Variants in RELN observed in about 807,000 individuals in gnomAD.
RELN encodes the protein reelin.
In RELN, 108 loss-of-function variants were observed where a neutral mutation model predicts 427.6. The ratio of observed to expected loss-of-function variants is 0.25; its 90% CI spans 0.22 to 0.30. The LOEUF (loss-of-function observed/expected upper bound fraction) is 0.30, where lower values mean the gene tolerates loss of function less well. Ranked by LOEUF, RELN falls within the 10% of genes least tolerant of loss-of-function variation. RELN has a pLI of 1.00. For synonymous variants in RELN, 1,524 were observed against 1,513.4 expected, an observed-to-expected ratio of 1.01 and a Z score of -0.16; for missense variants, 3,715 against 4,302.8, an observed-to-expected ratio of 0.86 and a Z score of 3.82.
intron 3 of RELN, among the ~76,000 whole-genome samples, chr7:103,825,495 T>A (rs1184460087): frequency 6.6e-6 from 1 of 152,164 alleles, no homozygotes; most frequent in Non-Finnish European, 1.5e-5. Context: ...TTGTCTTATT[T>A]GGTGAGTTTA....
At chr7:103,970,561 T>A (rs928061608) in intron 1 of RELN, among the ~76,000 whole-genome samples, 1 of 152,216 alleles carries the variant, frequency 6.6e-6, no homozygotes, top group African/African-American at 2.4e-5. Context: ...AAAGGTTGTC[T>A]AGTGTTCCTA....
intron 2 of RELN, among the ~76,000 whole-genome samples, chr7:103,884,977 C>T (rs1480076123): frequency 6.6e-6 from 1 of 152,118 alleles, no homozygotes; most frequent in East Asian, 1.9e-4. Context: ...AAGACACATG[C>T]ACACATATGT....
intron 46 of RELN, among the ~76,000 whole-genome samples, chr7:103,525,466 G>A (rs531804438): frequency 1.3e-5 from 2 of 152,262 alleles, no homozygotes; most frequent in East Asian, 3.9e-4. Context: ...CAGGAAGTTC[G>A]TATCCAGGGG....
chr7:103,528,710 G>C (rs1829876308), intron 46 of RELN, among the ~76,000 whole-genome samples: 1 of 151,514 alleles, frequency 6.6e-6, no homozygotes, highest in Non-Finnish European at 1.5e-5. Flanking sequence ...TGTATTTTTA[G>C]TAGAGACGGG....
chr7:103,491,126 C>G (rs1442328172), intron 58 of RELN, among the ~76,000 whole-genome samples: 5 of 152,152 alleles, frequency 3.3e-5, no homozygotes, highest in African/African-American at 9.7e-5. Context: ...AGTTGAATGA[C>G]AAAATTGTCT....
chr7:103,795,555 T>C (rs541741071), intron 3 of RELN, among the ~76,000 whole-genome samples: 1 of 152,314 alleles, frequency 6.6e-6, no homozygotes, highest in South Asian at 2.1e-4. Context: ...TTAGGTATTT[T>C]AGAGTAGAGT....
intron 52 of RELN, among the ~76,000 whole-genome samples, chr7:103,501,444 G>T (rs1004129983): frequency 4.6e-5 from 7 of 152,102 alleles, no homozygotes; most frequent in African/African-American, 1.4e-4. Context: ...TTTTGAAAGG[G>T]TTATATTAAA....
chr7:103,843,900 A>C (rs1004503210), intron 2 of RELN, among the ~76,000 whole-genome samples: 2 of 152,014 alleles, frequency 1.3e-5, no homozygotes, highest in African/African-American at 4.8e-5. Flanking sequence ...CTCTCCTAAC[A>C]CTGCATACTC....
intron 52 of RELN, among the ~76,000 whole-genome samples, chr7:103,501,509 G>A (rs1829028756): frequency 1.3e-5 from 2 of 152,060 alleles, no homozygotes; most frequent in African/African-American, 2.4e-5. Flanking sequence ...TCTTCTGGGG[G>A]AAAAAACAAG....
chr7:103,937,959 A>AT, intron 1 of RELN, among the ~76,000 whole-genome samples: 1 of 152,102 alleles, frequency 6.6e-6, no homozygotes, highest in Non-Finnish European at 1.5e-5. Context: ...ACTAACCTTC[A>AT]TTTTTGTGAA....
chr7:103,989,615 T>G lies in RELN; in HGVS notation c.-259A>C. On this transcript the variant is annotated 5_prime_UTR_variant, in exon 1 of 65. Transcript: ENST00000428762. The surrounding 1 kb of genome is among the most constrained non-coding windows in gnomAD (Gnocchi z 4.9). The stretch of plus-strand genomic sequence containing the variant: ...GAGAGCGCGTCGTCTGCCGCCTCCG[T>G]GCGCCGCCGCCGCCTCTGCGCGACG... The G allele has an allele frequency of 9.6e-6, 3 of 313,328 alleles. No individual in the cohort carries two copies. 19.4% of individuals were successfully genotyped at this position (313,328 alleles called of 1,614,324 possible).
chr7:103,515,234 G>A lies in RELN; in HGVS notation c.8070C>T (p.Gly2690=), dbSNP rs760983972. Residue 2690 remains glycine (G), a synonymous_variant, in exon 50 of 65, where the codon GGC becomes GGT. Transcript: ENST00000428762. ...TGTCAAAGGCGATCCTCCCGACAGG[G>A]CCGGCATCTGCAGGGGAGCGCTCAT... The part of the protein sequence containing the change: ...PQHERSPADA[G]PVGRIAFDMF... 8 of 1,614,184 alleles carry A rather than the reference G, an allele frequency of 5.0e-6. No homozygotes were observed. The East Asian group carries it at 1.8e-4, about 36-fold the overall frequency.
chr7:103,635,528 G>C lies in RELN; in HGVS notation c.2362C>G (p.Pro788Ala). 1 of 1,613,890 alleles carries C rather than the reference G, an allele frequency of 6.2e-7. No homozygotes were observed. Among genetic ancestry groups the C allele is most frequent in the Non-Finnish European group, 8.5e-7 (1 of 1,179,878 alleles). Residue 788 changes from proline to alanine, a missense_variant, in exon 19 of 65, where the codon CCT becomes GCT. By Grantham distance (27) the Pro-to-Ala change is conservative. Transcript: ENST00000428762. ...SKSVLSTCRAPDQPGEGVLLH... is the reference protein window; with the variant it reads ...SKSVLSTCRAADQPGEGVLLH... ...AAAACTCCTTCACCAGGCTGATCAG[G>C]GGCTCTGCACGTGCTCAGAACAGAT...
intron 2 of RELN, among the ~76,000 whole-genome samples, chr7:103,853,809 C>T (rs1282959732): frequency 2.0e-5 from 3 of 151,870 alleles, no homozygotes; most frequent in African/African-American, 7.2e-5. Flanking sequence ...TGTAATTATA[C>T]ATGCATGATA....
At chr7:103,490,150 T>C (rs1269029611) in intron 59 of RELN, among the ~76,000 whole-genome samples, 1 of 152,242 alleles carries the variant, frequency 6.6e-6, no homozygotes, top group Non-Finnish European at 1.5e-5. Context: ...TAGTCCATAA[T>C]AAATCTGTGT....
chr7:103,818,394 C>T (rs1324688797), intron 3 of RELN, among the ~76,000 whole-genome samples: 1 of 152,080 alleles, frequency 6.6e-6, no homozygotes, highest in East Asian at 1.9e-4. Flanking sequence ...ACTGAGTAAT[C>T]AGAATAGTGA....
intron 28 of RELN, among the ~76,000 whole-genome samples, chr7:103,579,942 A>T (rs1037991904): frequency 6.6e-6 from 1 of 152,150 alleles, no homozygotes; most frequent in Non-Finnish European, 1.5e-5. Context: ...TGCACTCTAC[A>T]TAGTGTACCT....
At chr7:103,734,554 T>C (rs565812126) in intron 6 of RELN, among the ~76,000 whole-genome samples, 1 of 152,314 alleles carries the variant, frequency 6.6e-6, no homozygotes, top group Admixed American at 6.5e-5. Flanking sequence ...CTTGAACTTA[T>C]TAAACCTTCT....
intron 63 of RELN, chr7:103,478,642 T>G: frequency 2.5e-6 from 1 of 407,690 alleles, no homozygotes; most frequent in Non-Finnish European, 4.4e-6. Flanking sequence ...TTAAGGTACA[T>G]GTAGCTGTAG....
Sources: allele counts gnomAD v4.1 joint callset (sites outside exome capture counted in the v4.1 genomes callset), GRCh38; gene constraint gnomAD v4.1.1; non-coding constraint Gnocchi (gnomAD v3.1); transcripts MANE v1.5; gene names NCBI Gene and HGNC (gene_info 2026-07-23, HGNC 2026-07-21).